The following IMMP2L variants were observed in gnomAD, a reference collection of about 807,000 sequenced individuals.
IMMP2L encodes mitochondrial inner membrane protease subunit 2.
In IMMP2L, 18 loss-of-function variants were observed where a neutral mutation model predicts 19.3. The ratio of observed to expected loss-of-function variants is 0.93; its 90% CI spans 0.64 to 1.38. The LOEUF (loss-of-function observed/expected upper bound fraction) is 1.38, where lower values mean the gene tolerates loss of function less well. IMMP2L is among the 40% of genes most tolerant of loss of function. The probability of loss-of-function intolerance (pLI) is 0.00; values close to 1 mark genes in which losing one functional copy is unlikely to be tolerated. For missense variants in IMMP2L, 233 were observed against 218.2 expected (o/e 1.07, Z -0.43); for synonymous variants, 76 against 73.0 (o/e 1.04, Z -0.21).
chr7:111,378,949 GA>G (rs1830942309), intron 3 of IMMP2L, among the ~76,000 whole-genome samples: 2 of 151,702 alleles, frequency 1.3e-5, no homozygotes, highest in Non-Finnish European at 3.0e-5. Context: ...AATTCCATAA[GA>G]ATACAAGATA....
At position 111,117,375 on chromosome 7, in the gene IMMP2L, G is replaced by A. The variant is rs901698284; in HGVS notation, c.240-153810C>T. Among the ~76,000 whole-genome samples, 4 of 151,996 alleles carry A rather than the reference G, an allele frequency of 2.6e-5. 1 individual carries two copies. Among genetic ancestry groups the A allele is most frequent in the African/African-American group, 9.7e-5 (4 of 41,412 alleles). On this transcript the variant is annotated intron_variant, in intron 3 of 5. Transcript: ENST00000405709. Reference sequence around the variant, plus strand: ...ATAATCTGAGGTACAAGAAAGTGAGGTATCCTGTCCCCAGTTACAAAATCA... The same window carrying A: ...ATAATCTGAGGTACAAGAAAGTGAGATATCCTGTCCCCAGTTACAAAATCA...
At chr7:111,551,556 G>A (rs748562767) in intron 1 of IMMP2L, among the ~76,000 whole-genome samples, 7 of 149,142 alleles carry the variant, frequency 4.7e-5, no homozygotes, top group South Asian at 2.2e-4. Flanking sequence ...TTTGGTCATC[G>A]GTGAGGAAGC....
At chr7:111,330,215 G>T (rs1388271290) in intron 3 of IMMP2L, among the ~76,000 whole-genome samples, 1 of 151,612 alleles carries the variant, frequency 6.6e-6, no homozygotes, top group Non-Finnish European at 1.5e-5. Context: ...TAAATTACAA[G>T]ATGCCCAAGG....
intron 1 of IMMP2L, among the ~76,000 whole-genome samples, chr7:111,554,736 C>T (rs1424273292): frequency 6.6e-6 from 1 of 152,066 alleles, no homozygotes; most frequent in African/African-American, 2.4e-5. Flanking sequence ...GATTCTCCTG[C>T]CTCAGCCTCT....
chr7:111,306,099 T>G (rs1822838246), intron 3 of IMMP2L, among the ~76,000 whole-genome samples: 1 of 152,210 alleles, frequency 6.6e-6, no homozygotes, highest in Admixed American at 6.6e-5. Flanking sequence ...GACTATCTTT[T>G]CCTCTTCTTC....
At chr7:110,799,458 G>A (rs1224516169) in intron 5 of IMMP2L, among the ~76,000 whole-genome samples, 2 of 151,944 alleles carry the variant, frequency 1.3e-5, no homozygotes, top group African/African-American at 4.8e-5. Context: ...AGATTGTAAA[G>A]TTGTTTTTAA....
intron 1 of IMMP2L, among the ~76,000 whole-genome samples, chr7:111,539,967 A>T (rs1473842365): frequency 6.6e-6 from 1 of 152,130 alleles, no homozygotes; most frequent in Non-Finnish European, 1.5e-5. Flanking sequence ...TTTACTTATT[A>T]TTTTTAATGG....
intron 5 of IMMP2L, among the ~76,000 whole-genome samples, chr7:110,827,004 A>G (rs1036183621): frequency 6.6e-6 from 1 of 152,058 alleles, no homozygotes; most frequent in Non-Finnish European, 1.5e-5. Context: ...TACTGCTTTG[A>G]TTTGTACAAA....
chr7:111,057,719 A>G (rs1349852570), intron 3 of IMMP2L, among the ~76,000 whole-genome samples: 1 of 152,208 alleles, frequency 6.6e-6, no homozygotes. Context: ...CAAAATTCTA[A>G]TCAACTGGAT....
intron 3 of IMMP2L, among the ~76,000 whole-genome samples, chr7:111,298,755 C>T (rs1004632594): frequency 5.7e-5 from 7 of 122,808 alleles, no homozygotes; most frequent in African/African-American, 1.6e-4. Context: ...CGAGACTCTG[C>T]CTCAAAAAAA....
At chr7:110,780,679 A>G (rs1386083200) in intron 5 of IMMP2L, among the ~76,000 whole-genome samples, 2 of 151,814 alleles carry the variant, frequency 1.3e-5, no homozygotes, top group African/African-American at 4.8e-5. Context: ...AATTTCCAGA[A>G]AAGTATCAGC....
intron 3 of IMMP2L, among the ~76,000 whole-genome samples, chr7:110,994,671 T>G (rs1822850299): frequency 6.6e-6 from 1 of 152,200 alleles, no homozygotes; most frequent in Non-Finnish European, 1.5e-5. Context: ...CTTAGCTGTC[T>G]GTGTGTGAGA....
chr7:110,977,818 T>C (rs1820860222), intron 3 of IMMP2L, among the ~76,000 whole-genome samples: 1 of 152,008 alleles, frequency 6.6e-6, no homozygotes, highest in African/African-American at 2.4e-5. Flanking sequence ...ACAGATAGAT[T>C]AAGCCACTTT....
chr7:111,543,493 T>C (rs1175179928), intron 1 of IMMP2L, among the ~76,000 whole-genome samples: 4 of 152,164 alleles, frequency 2.6e-5, no homozygotes, highest in Non-Finnish European at 4.4e-5. Context: ...AAGACCACTC[T>C]TGATTAATCC....
chr7:111,309,296 A>G (rs1301264185), intron 3 of IMMP2L, among the ~76,000 whole-genome samples: 2 of 152,200 alleles, frequency 1.3e-5, no homozygotes, highest in African/African-American at 4.8e-5. Context: ...CAATTAGTGA[A>G]GATGATTGCA....
chr7:111,190,885 G>A (rs1419728578), intron 3 of IMMP2L, among the ~76,000 whole-genome samples: 5 of 152,138 alleles, frequency 3.3e-5, no homozygotes, highest in Non-Finnish European at 7.3e-5. Flanking sequence ...AGCTGGGGAA[G>A]GAGAGCTGGT....
chr7:111,224,018 G>A (rs536528892), intron 3 of IMMP2L, among the ~76,000 whole-genome samples: 66 of 152,180 alleles, frequency 4.3e-4, no homozygotes, highest in African/African-American at 1.5e-3. Context: ...ATACACAAGA[G>A]GAAACTGAAT....
At chr7:110,867,844 G>A (rs894324874) in intron 5 of IMMP2L, among the ~76,000 whole-genome samples, 9 of 151,932 alleles carry the variant, frequency 5.9e-5, no homozygotes, top group African/African-American at 2.2e-4. Flanking sequence ...CTCTGAAGCT[G>A]GTTGATTTCT....
In IMMP2L at chr7:110,993,971, T is replaced by C. The variant is rs182530514; in HGVS notation, c.240-30406A>G. 4.8e-4 allele frequency among the ~76,000 whole-genome samples: 73 copies of C among 152,170 alleles called. No homozygotes were observed. The Middle Eastern group carries it at 0.014, about 28-fold the overall frequency. The stretch of plus-strand genomic sequence containing the variant: ...ATGCCTGTCTTGTCTCTGCCCTTTG[T>C]TCTCTCCACACTTCCATGTTAGAAC... On this transcript the variant is annotated intron_variant, in intron 3 of 5. Coordinates refer to ENST00000405709, the MANE Select transcript of IMMP2L (RefSeq NM_032549.4).
Sources: gnomAD v4.1 joint callset for allele counts (sites outside exome capture counted in the v4.1 genomes callset) on GRCh38, gnomAD v4.1.1 for gene constraint, MANE v1.5 for transcripts, NCBI Gene and HGNC (gene_info 2026-07-23, HGNC 2026-07-21) for gene names.